The following LRCOL1 variants were observed in gnomAD, a reference collection of about 807,000 sequenced individuals.
LRCOL1 encodes leucine rich colipase like 1.
LRCOL1 carries 21 observed loss-of-function variants against 21.6 expected under a neutral mutation model. That is an observed-to-expected ratio of 0.97 (90% confidence interval 0.69 to 1.40). The LOEUF (loss-of-function observed/expected upper bound fraction) is 1.40. LRCOL1 is among the 40% of genes most tolerant of loss of function. The pLI, the probability that LRCOL1 is intolerant of heterozygous loss-of-function variation, is 0.00. For missense variants in LRCOL1, 198 were observed against 202.3 expected (o/e 0.98, Z 0.13); for synonymous variants, 98 against 90.1 (o/e 1.09, Z -0.49).
At position 132,606,180 on chromosome 12, in the gene LRCOL1, A is replaced by G. The variant is rs1672694090; in HGVS notation, c.72T>C (p.Tyr24=). ...LLLLLGSMAG[Y]GPQKKLNLSH... ...ACAGGTTCAACTTCTTCTGTGGCCC[A>G]TACCCTGCCATGGACCCCAGCAGCA... The change falls in exon 2 of 6, where the codon TAT becomes TAC. Residue 24 remains tyrosine (Y), a synonymous_variant. Transcript: ENST00000376608. The surrounding 1 kb of genome is among the most constrained non-coding windows in gnomAD (Gnocchi z 4.6). 5.9e-6 allele frequency: 9 copies of G among 1,536,502 alleles called. No individual in the cohort carries two copies. The Admixed American group carries it at 1.2e-4, about 20-fold the overall frequency.
chr12:132,608,390 G>T (rs1199089959), intron 1 of LRCOL1, among the ~76,000 whole-genome samples: 1 of 152,212 alleles, frequency 6.6e-6, no homozygotes, highest in Non-Finnish European at 1.5e-5. Context: ...GTCAGGAACT[G>T]ATTTTACCTC....
rs755155795 is a variant in LRCOL1, at chr12:132,604,308, G to A, written c.423C>T (p.Tyr141=). The change falls in exon 5 of 6, where the codon TAC becomes TAT. Residue 141 remains tyrosine, a synonymous_variant. Transcript: ENST00000376608. ...HSQCCIQLRE[Y]SPFRCIPRTG... ...TCCGGGGAATGCAGCGGAAGGGGCTGTACTCCCTCAGCTGGATGCAGCACT... is the reference window on the plus strand; with the variant it reads ...TCCGGGGAATGCAGCGGAAGGGGCTATACTCCCTCAGCTGGATGCAGCACT... 50 of 1,535,680 alleles carry A rather than the reference G, an allele frequency of 3.3e-5. No homozygotes were observed. In the South Asian group the frequency reaches 5.2e-4, roughly 16 times the overall value.
In LRCOL1 at chr12:132,606,144, C is replaced by T. The variant is rs2041306423; in HGVS notation, c.105+3G>A. On this transcript the variant is annotated splice_donor_region_variant and intron_variant, in intron 2 of 5. Transcript: ENST00000376608. This position sits in a 1 kb window ranked among gnomAD's most constrained non-coding sequence, Gnocchi z 4.6. The stretch of plus-strand genomic sequence containing the variant: ...AGGGGCATCAGGGGTGCCCGGCACC[C>T]ACCTTATGGGACAGGTTCAACTTCT... 2 of 1,536,084 alleles carry T rather than the reference C, an allele frequency of 1.3e-6. No homozygotes were observed. Among genetic ancestry groups the T allele is most frequent in the South Asian group, 2.4e-5 (2 of 84,058 alleles).
Position 132,606,231 on chromosome 12 carries a change from C to CAT in LRCOL1, c.20_21insAT (p.Leu8CysfsTer24). The CAT allele has an allele frequency of 1.3e-6, 2 of 1,536,436 alleles. No individual in the cohort carries two copies. Among genetic ancestry groups the CAT allele is most frequent in the South Asian group, 1.2e-5 (1 of 84,046 alleles). On this transcript the variant is annotated frameshift_variant, in exon 2 of 6. Transcript: ENST00000376608. LOFTEE classifies it high-confidence loss of function. The surrounding 1 kb of genome is among the most constrained non-coding windows in gnomAD (Gnocchi z 4.6). ...GCAGCAGCAGCAGCAGTAGCAGCAGCGTCCACCCCGGGCCGGCCATCGGGT... is the reference window on the plus strand; with the variant it reads ...GCAGCAGCAGCAGCAGTAGCAGCAGCATGTCCACCCCGGGCCGGCCATCGGGT...
chr12:132,604,922 C>T, intron 2 of LRCOL1, 91 bp from the exon 3 acceptor site: 2 of 1,480,146 alleles, frequency 1.4e-6, no homozygotes, highest in East Asian at 2.5e-5. Context: ...CCTTGGCTCC[C>T]CTGTGTCACC....
At chr12:132,604,133 C>T (rs758645489) in intron 5 of LRCOL1, 121 bp downstream of exon 5, 42 of 1,442,210 alleles carry the variant, frequency 2.9e-5, no homozygotes, top group Middle Eastern at 2.5e-4. Context: ...AGCAGGGGTG[C>T]CTGGGTGCTC....
intron 5 of LRCOL1, chr12:132,603,633 GA>G: frequency 1.0e-6 from 1 of 979,942 alleles, no homozygotes; most frequent in Non-Finnish European, 1.2e-6. Flanking sequence ...GGTGGTACCC[GA>G]GGGCGCCTGG....
At chr12:132,605,285 G>T in intron 2 of LRCOL1, 1 of 226,658 alleles carries the variant, frequency 4.4e-6, no homozygotes, top group Non-Finnish European at 7.3e-6. Context: ...TGCTGTGTGC[G>T]CGACCTCTGG....
Position 132,606,600 on chromosome 12 carries a change from T to G in LRCOL1, c.-13-336A>C, listed in dbSNP as rs1278916473. Reference sequence around the variant, plus strand: ...GTCCACAGCTCAGCCGGTGTGTGCCTGCTGCGGGTTTGGGTGAGTGCGTTC... The same window carrying G: ...GTCCACAGCTCAGCCGGTGTGTGCCGGCTGCGGGTTTGGGTGAGTGCGTTC... On this transcript the variant is annotated intron_variant, in intron 1 of 5. Coordinates refer to ENST00000376608, the MANE Select transcript of LRCOL1 (RefSeq NM_001195520.2). This position sits in a 1 kb window ranked among gnomAD's most constrained non-coding sequence, Gnocchi z 4.6. 6.6e-6 allele frequency among the ~76,000 whole-genome samples: 1 copy of G among 152,124 alleles called. No homozygotes were observed. The highest frequency in any genetic ancestry group is 2.4e-5 in the African/African-American group (1 of 41,428).
rs1252806488 is a variant in LRCOL1 at position 132,606,200 on chromosome 12, G to A, written c.52C>T (p.Leu18=). The A allele has an allele frequency of 2.1e-6, 2 of 931,980 alleles. No individual in the cohort carries two copies. The highest frequency in any genetic ancestry group is 3.3e-5 in the Admixed American group (1 of 30,176). The allele number at this position is 931,980 out of a possible 1,614,324, so 57.7% of individuals were successfully genotyped here. ...GGCCCATACCCTGCCATGGACCCCA[G>A]CAGCAGCAGCAGCAGCAGCAGTAGC... is the stretch of plus-strand genomic sequence containing the variant. ...LLLLLLLLLL[L]GSMAGYGPQK... is the part of the protein sequence containing the mutation. The change falls in exon 2 of 6, where the codon CTG becomes TTG. Residue 18 remains leucine, a synonymous_variant. Transcript: ENST00000376608. The surrounding 1 kb of genome is among the most constrained non-coding windows in gnomAD (Gnocchi z 4.6).
chr12:132,607,383 A>G (rs1446084994), intron 1 of LRCOL1, among the ~76,000 whole-genome samples: 3 of 152,286 alleles, frequency 2.0e-5, no homozygotes, highest in Non-Finnish European at 4.4e-5. Context: ...CACACTGGCC[A>G]TAAATAACCA....
rs907677348 is a variant in LRCOL1 at position 132,607,600 on chromosome 12, TCTGTCTCTCC to T, written c.-13-1346_-13-1337del. 4.3e-4 allele frequency among the ~76,000 whole-genome samples: 66 copies of T among 152,236 alleles called. 1 individual carries two copies. The highest frequency in any genetic ancestry group is 2.7e-3 in the South Asian group (13 of 4,824). On this transcript the variant is annotated intron_variant, in intron 1 of 5. Coordinates refer to ENST00000376608, the MANE Select transcript of LRCOL1 (RefSeq NM_001195520.2). ...GTCTCCCTGTCTCTCTGTCTCTGCC[TCTGTCTCTCC>T]CTGTCTCTCTGTCTCTCCCTCTGTC... is the stretch of plus-strand genomic sequence containing the variant.
At chr12:132,604,966 G>A in intron 2 of LRCOL1, 135 bp from the exon 3 acceptor site, 2 of 1,457,354 alleles carry the variant, frequency 1.4e-6, no homozygotes, top group Non-Finnish European at 1.8e-6. Context: ...AGAAGTTTCT[G>A]GAACAAACCC....
intron 1 of LRCOL1, among the ~76,000 whole-genome samples, chr12:132,609,350 T>C (rs1436590897): frequency 1.3e-5 from 2 of 152,208 alleles, no homozygotes; most frequent in East Asian, 1.9e-4. Context: ...ATGGCAGTGA[T>C]GGCTGCACGG....
chr12:132,606,507 T>C lies in LRCOL1; in HGVS notation c.-13-243A>G, dbSNP rs1375484931. 6.6e-6 allele frequency among the ~76,000 whole-genome samples: 1 copy of C among 152,216 alleles called. No homozygotes were observed. Among genetic ancestry groups the C allele is most frequent in the East Asian group, 1.9e-4 (1 of 5,198 alleles). The stretch of plus-strand genomic sequence containing the variant: ...GCCTCAGTTTCCCCTATTATAAACA[T>C]GCTGCACTCGTGTGACACATCTGTC... On this transcript the variant is annotated intron_variant, in intron 1 of 5. Transcript: ENST00000376608. This position sits in a 1 kb window ranked among gnomAD's most constrained non-coding sequence, Gnocchi z 4.6.
At chr12:132,609,436 C>T (rs76379505) in intron 1 of LRCOL1, among the ~76,000 whole-genome samples, 8 of 152,198 alleles carry the variant, frequency 5.3e-5, no homozygotes, top group African/African-American at 1.4e-4. Context: ...GGGTGGCTCA[C>T]GCCTGTAATC....
In LRCOL1 at chr12:132,606,237, C is replaced by T. The variant is rs1030430120; in HGVS notation, c.15G>A (p.Gly5=). 12 of 1,536,274 alleles carry T rather than the reference C, an allele frequency of 7.8e-6. No individual in the cohort carries two copies. The Admixed American group carries it at 2.4e-4, about 30-fold the overall frequency. Residue 5 remains glycine, a synonymous_variant, in exon 2 of 6, where the codon GGG becomes GGA. Transcript: ENST00000376608. This position sits in a 1 kb window ranked among gnomAD's most constrained non-coding sequence, Gnocchi z 4.6. ...GCAGCAGCAGTAGCAGCAGCGTCCA[C>T]CCCGGGCCGGCCATCGGGTGTGTGG... MAGP[G]WTLLLLLLLL...
chr12:132,607,690 C>T (rs765178467), intron 1 of LRCOL1, among the ~76,000 whole-genome samples: 7 of 88,494 alleles, frequency 7.9e-5, no homozygotes, highest in African/African-American at 1.8e-4. Context: ...TCTCTCTCTG[C>T]CTCTCTGTCT....
At chr12:132,609,907 T>A (rs1358569126) in intron 1 of LRCOL1, among the ~76,000 whole-genome samples, 3 of 152,256 alleles carry the variant, frequency 2.0e-5, no homozygotes, top group Non-Finnish European at 2.9e-5. Context: ...CAGTTTTTCC[T>A]GCAATTATCA....
Sources: gnomAD v4.1 joint callset for allele counts (sites outside exome capture counted in the v4.1 genomes callset) on GRCh38, gnomAD v4.1.1 for gene constraint, Gnocchi (gnomAD v3.1) non-coding constraint, MANE v1.5 for transcripts, NCBI Gene and HGNC (gene_info 2026-07-23, HGNC 2026-07-21) for gene names.